Variants in ZFAND6 observed in about 807,000 individuals in gnomAD.
ZFAND6 encodes AN1-type zinc finger protein 6.
A neutral mutation model predicts 24.5 loss-of-function variants in ZFAND6; 12 were observed. The observed-to-expected ratio is 0.49, with a 90% confidence interval of 0.31 to 0.79. ZFAND6 has a LOEUF of 0.79. Ranked by LOEUF, ZFAND6 falls within the 30% of genes least tolerant of loss-of-function variation. The pLI is 0.04. For synonymous variants in ZFAND6, 92 were observed against 81.5 expected (o/e 1.13, Z -0.69); for missense variants, 207 against 245.9 (o/e 0.84, Z 1.06).
Position 80,083,339 on chromosome 15 carries a change from A to AT in ZFAND6, c.-180-15075dup, listed in dbSNP as rs747201456. Among the ~76,000 whole-genome samples, 21 of 152,314 alleles carry AT rather than the reference A, an allele frequency of 1.4e-4. 1 individual carries two copies. The highest frequency in any genetic ancestry group is 3.4e-3 in the Middle Eastern group (1 of 294). ...CCCAGCCCTGTGAATTGGTGGTGGT[A>AT]TTATCCATAATAATAAATTCTGCAC... On this transcript the variant is annotated intron_variant, in intron 1 of 6. Coordinates refer to ENST00000261749, the MANE Select transcript of ZFAND6 (RefSeq NM_019006.4).
At chr15:80,129,291 CCT>C (rs891931250) in intron 5 of ZFAND6, among the ~76,000 whole-genome samples, 11 of 152,160 alleles carry the variant, frequency 7.2e-5, no homozygotes, top group African/African-American at 1.9e-4. Context: ...AGAACTGTCC[CCT>C]GTCTGGTTTC....
chr15:80,060,590 C>T (rs1034506925), intron 1 of ZFAND6: 8 of 151,886 alleles, frequency 5.3e-5, no homozygotes, highest in African/African-American at 1.9e-4. Flanking sequence ...CTTGGGGTTA[C>T]CTAAAGATAA....
intron 2 of ZFAND6, among the ~76,000 whole-genome samples, chr15:80,113,405 G>A (rs1018289365): frequency 6.6e-6 from 1 of 152,148 alleles, no homozygotes; most frequent in Non-Finnish European, 1.5e-5. Flanking sequence ...ATATGGCTAT[G>A]GGTCAGATTT....
intron 1 of ZFAND6, among the ~76,000 whole-genome samples, chr15:80,067,793 T>G (rs2036732129): frequency 6.6e-6 from 1 of 152,156 alleles, no homozygotes; most frequent in Admixed American, 6.5e-5. Flanking sequence ...ATCTGACTAT[T>G]GAGATATGGC....
intron 2 of ZFAND6, among the ~76,000 whole-genome samples, chr15:80,105,345 G>A (rs1057039960): frequency 6.6e-6 from 1 of 152,156 alleles, no homozygotes; most frequent in Non-Finnish European, 1.5e-5. Flanking sequence ...CTCCTAACAG[G>A]TGATTACTGT....
intron 6 of ZFAND6, among the ~76,000 whole-genome samples, chr15:80,132,555 GA>G (rs1472269813): frequency 2.0e-5 from 3 of 152,144 alleles, no homozygotes; most frequent in African/African-American, 7.2e-5. Flanking sequence ...CTATTGCAGT[GA>G]GTTCAGGTGC....
chr15:80,108,146 T>C (rs2039432750), intron 2 of ZFAND6, among the ~76,000 whole-genome samples: 1 of 152,212 alleles, frequency 6.6e-6, no homozygotes, highest in Non-Finnish European at 1.5e-5. Flanking sequence ...TAAGTATTGC[T>C]CAGTAAATGG....
At chr15:80,074,839 TAG>T (rs1596196993) in intron 1 of ZFAND6, among the ~76,000 whole-genome samples, 1 of 152,138 alleles carries the variant, frequency 6.6e-6, no homozygotes, top group East Asian at 1.9e-4. Context: ...AGTAACGTTC[TAG>T]AATAAACTTA....
chr15:80,087,980 A>G (rs1054776943), intron 1 of ZFAND6, among the ~76,000 whole-genome samples: 10 of 152,202 alleles, frequency 6.6e-5, no homozygotes, highest in Non-Finnish European at 1.0e-4. Context: ...TTACCCCTAC[A>G]TACTTCAGTA....
intron 2 of ZFAND6, among the ~76,000 whole-genome samples, chr15:80,118,127 T>G (rs564590234): frequency 4.6e-4 from 70 of 152,206 alleles, no homozygotes; most frequent in African/African-American, 1.6e-3. Flanking sequence ...ACTTATTTTA[T>G]TTATTTATTT....
intron 2 of ZFAND6, among the ~76,000 whole-genome samples, chr15:80,110,581 A>G (rs1182416433): frequency 6.6e-6 from 1 of 151,966 alleles, no homozygotes; most frequent in Non-Finnish European, 1.5e-5. Flanking sequence ...CAACACAATC[A>G]TGAGGAAGAT....
intron 6 of ZFAND6, among the ~76,000 whole-genome samples, chr15:80,131,715 A>G (rs772536287): frequency 2.6e-5 from 4 of 152,252 alleles, no homozygotes; most frequent in South Asian, 2.1e-4. Context: ...GCTGCCACAC[A>G]GTAAGTAATT....
At chr15:80,127,679 A>G (rs1461870848) in intron 5 of ZFAND6, among the ~76,000 whole-genome samples, 3 of 152,036 alleles carry the variant, frequency 2.0e-5, no homozygotes, top group Admixed American at 1.3e-4. Flanking sequence ...CGTATCCACT[A>G]GGATGGCTCT....
intron 2 of ZFAND6, among the ~76,000 whole-genome samples, chr15:80,102,156 T>A (rs75594591): frequency 0.046 from 6,988 of 152,016 alleles, 359 homozygotes; most frequent in Admixed American, 0.17. Context: ...TTATTTTTCA[T>A]TTTTATTTTT....
intron 2 of ZFAND6, among the ~76,000 whole-genome samples, chr15:80,117,517 C>T (rs2039934638): frequency 6.6e-6 from 1 of 152,190 alleles, no homozygotes; most frequent in Non-Finnish European, 1.5e-5. Context: ...CCACCGTGCC[C>T]AGCCTGAATA....
rs2040924710 is a variant in ZFAND6 at position 80,137,676 on chromosome 15, G to A, written c.*48G>A. 1.3e-6 allele frequency: 2 copies of A among 1,515,512 alleles called. No homozygotes were observed. The highest frequency in any genetic ancestry group is 4.8e-5 in the East Asian group (2 of 42,074). 93.9% of individuals were successfully genotyped at this position (1,515,512 alleles called of 1,614,324 possible). A position where few individuals can be genotyped will look rare whatever the true frequency, so the allele number is the denominator to read the frequency against. On this transcript the variant is annotated 3_prime_UTR_variant, in exon 7 of 7. Coordinates refer to ENST00000261749, the MANE Select transcript of ZFAND6 (RefSeq NM_019006.4). Reference sequence around the variant, plus strand: ...CTTGAGCATCTGCAAACTAAAAATTGACTTGAGGTTTTTTTTTTCCTAGTC... The same window carrying A: ...CTTGAGCATCTGCAAACTAAAAATTAACTTGAGGTTTTTTTTTTCCTAGTC...
intron 2 of ZFAND6, among the ~76,000 whole-genome samples, chr15:80,114,293 G>T (rs539955878): frequency 6.6e-6 from 1 of 152,284 alleles, no homozygotes; most frequent in East Asian, 1.9e-4. Flanking sequence ...GCAAAGCTGG[G>T]ATTCCAGCTG....
chr15:80,135,726 G>T (rs911136796), intron 6 of ZFAND6, among the ~76,000 whole-genome samples: 2 of 152,326 alleles, frequency 1.3e-5, no homozygotes, highest in East Asian at 1.9e-4. Context: ...CTTCAGGCCA[G>T]GAATTCGGGA....
intron 2 of ZFAND6, among the ~76,000 whole-genome samples, chr15:80,115,385 ACT>A (rs1162298215): frequency 1.3e-5 from 2 of 152,024 alleles, no homozygotes; most frequent in Admixed American, 6.6e-5. Flanking sequence ...GAGTGATCTT[ACT>A]CTCTGTCTCT....
Sources: gnomAD v4.1 joint callset for allele counts (sites outside exome capture counted in the v4.1 genomes callset) on GRCh38, gnomAD v4.1.1 for gene constraint, MANE v1.5 for transcripts, NCBI Gene and HGNC (gene_info 2026-07-23, HGNC 2026-07-21) for gene names.